NEXMIF: variants seen among roughly 807,000 people sequenced by gnomAD.
NEXMIF encodes XLMR protein related to neurite extension.
A neutral mutation model predicts 62.1 loss-of-function variants in NEXMIF; 8 were observed. The ratio of observed to expected loss-of-function variants is 0.13; its 90% CI spans 0.08 to 0.23. The LOEUF (loss-of-function observed/expected upper bound fraction) is 0.23, where lower values mean the gene tolerates loss of function less well. Among genes scored for constraint, NEXMIF ranks in the 10% least tolerant of loss-of-function variants. The pLI is 1.00. For missense variants in NEXMIF, 976 were observed against 1,113.3 expected (o/e 0.88, Z 1.75); for synonymous variants, 404 against 416.6 (o/e 0.97, Z 0.37).
intron 1 of NEXMIF, among the ~76,000 whole-genome samples, chrX:74,849,880 C>A (rs1293050529): frequency 8.9e-6 from 1 of 112,020 alleles, no homozygotes; most frequent in Non-Finnish European, 1.9e-5. Context: ...ATGTGCTCCA[C>A]AGCTTCCTGC....
intron 1 of NEXMIF, among the ~76,000 whole-genome samples, chrX:74,759,165 T>C (rs1469435387): frequency 1.8e-5 from 2 of 112,628 alleles, no homozygotes; most frequent in Non-Finnish European, 3.8e-5. Flanking sequence ...GACGCTGAGA[T>C]TTTTTTCATA....
intron 1 of NEXMIF, among the ~76,000 whole-genome samples, chrX:74,753,909 A>G (rs1428628300): frequency 8.9e-6 from 1 of 112,305 alleles, no homozygotes. Context: ...ACCATTTGAA[A>G]TTTTGGGGGG....
intron 1 of NEXMIF, among the ~76,000 whole-genome samples, chrX:74,904,967 A>AGTGG (rs1411718294): frequency 1.8e-5 from 2 of 111,388 alleles, no homozygotes; most frequent in Non-Finnish European, 3.8e-5. Flanking sequence ...ACCTTTGCAA[A>AGTGG]TCAAGTCTAC....
chrX:74,871,308 G>A (rs890671592), intron 1 of NEXMIF, among the ~76,000 whole-genome samples: 3 of 111,253 alleles, frequency 2.7e-5, no homozygotes, highest in African/African-American at 9.8e-5. Flanking sequence ...ATTTTGAAAG[G>A]GGAGGGGGTG....
At chrX:74,748,824 T>G (rs1471761414) in intron 1 of NEXMIF, among the ~76,000 whole-genome samples, 1 of 111,369 alleles carries the variant, frequency 9.0e-6, no homozygotes, top group East Asian at 2.8e-4. Flanking sequence ...CCAACATTTG[T>G]GTTGAGGATG....
At chrX:74,750,957 G>A (rs2080140221) in intron 1 of NEXMIF, among the ~76,000 whole-genome samples, 1 of 111,678 alleles carries the variant, frequency 9.0e-6, no homozygotes. Context: ...GCTGGGCGTG[G>A]TGGTTCACAC....
intron 1 of NEXMIF, among the ~76,000 whole-genome samples, chrX:74,819,505 C>A (rs2080387490): frequency 8.9e-6 from 1 of 111,868 alleles, no homozygotes; most frequent in Admixed American, 9.5e-5. Context: ...AATCAAACAA[C>A]CCCATCAAAA....
chrX:74,850,144 C>T (rs953014693), intron 1 of NEXMIF, among the ~76,000 whole-genome samples: 1 of 111,948 alleles, frequency 8.9e-6, no homozygotes, highest in African/African-American at 3.2e-5. Flanking sequence ...ACCATTAGCA[C>T]TTGAGCACTT....
intron 1 of NEXMIF, among the ~76,000 whole-genome samples, chrX:74,900,928 T>C (rs2147369420): frequency 8.9e-6 from 1 of 112,066 alleles, no homozygotes; most frequent in East Asian, 2.8e-4. Flanking sequence ...ATGATTCCAT[T>C]TACATGAGGT....
intron 1 of NEXMIF, among the ~76,000 whole-genome samples, chrX:74,766,928 C>T: frequency 8.9e-6 from 1 of 111,911 alleles, no homozygotes; most frequent in East Asian, 2.8e-4. Flanking sequence ...TGCTGCAGTC[C>T]TAGGTCGAGT....
At chrX:74,746,867 T>C (rs936177936) in intron 1 of NEXMIF, among the ~76,000 whole-genome samples, 2 of 112,804 alleles carry the variant, frequency 1.8e-5, no homozygotes, top group African/African-American at 6.4e-5. Context: ...TGAGATCTGA[T>C]TTGATGCATA....
intron 1 of NEXMIF, among the ~76,000 whole-genome samples, chrX:74,796,182 C>CATATATAAT (rs1556024005): frequency 5.1e-5 from 3 of 58,387 alleles, no homozygotes; most frequent in South Asian, 6.7e-4. Context: ...TATATATATA[C>CATATATAAT]ATATATATTA....
chrX:74,873,692 G>A (rs1219540906), intron 1 of NEXMIF, among the ~76,000 whole-genome samples: 2 of 112,128 alleles, frequency 1.8e-5, no homozygotes, highest in Non-Finnish European at 1.9e-5. Flanking sequence ...TCTAACTGGT[G>A]TGAGATGGTG....
chrX:74,754,172 G>T (rs1333424034), intron 1 of NEXMIF, among the ~76,000 whole-genome samples: 1 of 111,227 alleles, frequency 9.0e-6, no homozygotes, highest in Non-Finnish European at 1.9e-5. Flanking sequence ...ATGTTGGCCA[G>T]GCTGGTCTTG....
chrX:74,794,674 C>T (rs187580279), intron 1 of NEXMIF, among the ~76,000 whole-genome samples: 65 of 112,069 alleles, frequency 5.8e-4, no homozygotes, highest in African/African-American at 2.0e-3. Flanking sequence ...GATATAATCT[C>T]GTGGTGCGCC....
At chrX:74,907,343 C>CT (rs1356554132) in intron 1 of NEXMIF, among the ~76,000 whole-genome samples, 1 of 71,803 alleles carries the variant, frequency 1.4e-5, no homozygotes, top group African/African-American at 5.4e-5. Flanking sequence ...CACCCCCCCC[C>CT]CCGCCCCTTA....
At chrX:74,838,504 G>A (rs369791556) in intron 1 of NEXMIF, among the ~76,000 whole-genome samples, 3 of 112,443 alleles carry the variant, frequency 2.7e-5, no homozygotes, top group African/African-American at 9.7e-5. Context: ...TATGCTCCCT[G>A]TGAAGTTTCC....
rs967353019 is a variant in NEXMIF at position 74,762,212 on chromosome X, C to T, written c.-47-16515G>A. Among the ~76,000 whole-genome samples the T allele has an allele frequency of 2.9e-4, 31 of 105,564 alleles. 1 individual carries two copies. Among genetic ancestry groups the T allele is most frequent in the Non-Finnish European group, 4.6e-4 (24 of 51,741 alleles). 91.7% of individuals were successfully genotyped at this position (105,564 alleles called of 115,157 possible). ...ATTCCCACCTATGAGTGAGAACATG[C>T]GGTGTTTGGTTTTTTGTCCTTGTGA... is the stretch of plus-strand genomic sequence containing the variant. On this transcript the variant is annotated intron_variant, in intron 1 of 3. Coordinates refer to ENST00000055682, the MANE Select transcript of NEXMIF (RefSeq NM_001008537.3).
rs751392204 is a variant in NEXMIF at position 74,738,366 on chromosome X, C to A, written c.*1039G>T. ...TTTTCTTTAAATGACATTGGCATTG[C>A]AAGATTAAACACTGAAAGAACACTA... On this transcript the variant is annotated 3_prime_UTR_variant, in exon 4 of 4. Coordinates refer to ENST00000055682, the MANE Select transcript of NEXMIF (RefSeq NM_001008537.3). The A allele has an allele frequency of 5.4e-5, 6 of 111,065 alleles. No homozygotes were observed. The highest frequency in any genetic ancestry group is 9.4e-5 in the Non-Finnish European group (5 of 52,926). 9.2% of individuals were successfully genotyped at this position (111,065 alleles called of 1,213,427 possible).
Sources: allele counts gnomAD v4.1 joint callset (sites outside exome capture counted in the v4.1 genomes callset), GRCh38; gene constraint gnomAD v4.1.1; transcripts MANE v1.5; gene names NCBI Gene and HGNC (gene_info 2026-07-23, HGNC 2026-07-21).